FAM171B: variants seen among roughly 807,000 people sequenced by gnomAD.
FAM171B encodes protein FAM171B.
FAM171B carries 19 observed loss-of-function variants against 75.6 expected under a neutral mutation model. That is an observed-to-expected ratio of 0.25 (90% CI 0.18 to 0.37). The LOEUF is 0.37. Among genes scored for constraint, FAM171B ranks in the 10% least tolerant of loss-of-function variants. The pLI is 1.00. For synonymous variants in FAM171B, 367 were observed against 361.7 expected, an observed-to-expected ratio of 1.01 and a Z score of -0.17; for missense variants, 848 against 982.4, an observed-to-expected ratio of 0.86 and a Z score of 1.83.
chr2:186,703,293 G>A (rs1285537241), intron 1 of FAM171B, among the ~76,000 whole-genome samples: 2 of 152,076 alleles, frequency 1.3e-5, no homozygotes, highest in East Asian at 1.9e-4. Flanking sequence ...GATGTAGAAC[G>A]TTTACTTGGC....
chr2:186,737,678 AT>A (rs1396228263), intron 1 of FAM171B, among the ~76,000 whole-genome samples: 4 of 152,140 alleles, frequency 2.6e-5, no homozygotes, highest in Non-Finnish European at 4.4e-5. Flanking sequence ...AGGCTTTTTG[AT>A]ATTTTAGAGA....
Position 186,765,528 on chromosome 2 carries a change from A to G in FAM171B, c.*2705A>G, listed in dbSNP as rs1464835719. The G allele has an allele frequency of 2.0e-5, 3 of 152,060 alleles. No homozygotes were observed. The highest frequency in any genetic ancestry group is 4.8e-5 in the African/African-American group (2 of 41,436). The allele number at this position is 152,060 out of a possible 1,614,324, so 9.4% of individuals were successfully genotyped here. A position where few individuals can be genotyped will look rare whatever the true frequency, so the allele number is the denominator to read the frequency against. On this transcript the variant is annotated 3_prime_UTR_variant, in exon 8 of 8. Transcript: ENST00000304698. ...TACATAATATACCACAGAGATTACAAATGTTGAGGAATGAAAGCACTTCTT... is the reference window on the plus strand; with the variant it reads ...TACATAATATACCACAGAGATTACAGATGTTGAGGAATGAAAGCACTTCTT...
At chr2:186,761,302 A>G (rs1222502660) in intron 7 of FAM171B, 66 bp downstream of exon 7, 19 of 1,544,946 alleles carry the variant, frequency 1.2e-5, no homozygotes, top group Non-Finnish European at 1.6e-5. Flanking sequence ...TATTCTGTAC[A>G]TTGAAAAGTT....
intron 1 of FAM171B, among the ~76,000 whole-genome samples, chr2:186,717,839 G>A (rs1689895575): frequency 6.6e-6 from 1 of 152,074 alleles, no homozygotes; most frequent in South Asian, 2.1e-4. Context: ...CTTTCTTCAT[G>A]CTTAGTTGTA....
chr2:186,712,767 C>G (rs899323002), intron 1 of FAM171B, among the ~76,000 whole-genome samples: 1 of 152,168 alleles, frequency 6.6e-6, no homozygotes, highest in Non-Finnish European at 1.5e-5. Context: ...CTTCTCACTC[C>G]TGCTCACATT....
rs117970607 is a variant in FAM171B, at chr2:186,711,566, C to T, written c.238+17155C>T. Among the ~76,000 whole-genome samples, 7 of 152,300 alleles carry T rather than the reference C, an allele frequency of 4.6e-5. No individual in the cohort carries two copies. The East Asian group carries it at 1.3e-3, about 29-fold the overall frequency. On this transcript the variant is annotated intron_variant, in intron 1 of 7. Coordinates refer to ENST00000304698, the MANE Select transcript of FAM171B (RefSeq NM_177454.4). ...CAGAAATGGAGTTCCTGGTTCCAGT[C>T]ATTCCCAAGATCTGGATGGATAGTT... is the stretch of plus-strand genomic sequence containing the variant.
intron 1 of FAM171B, 50 bp from the exon 2 acceptor site, chr2:186,740,178 T>C (rs1227629707): frequency 1.5e-6 from 2 of 1,309,200 alleles, no homozygotes; most frequent in African/African-American, 2.9e-5. Context: ...GACTATGACA[T>C]ATGCATTCTA....
intron 4 of FAM171B, 39 bp downstream of exon 4, chr2:186,747,289 A>G (rs1690378786): frequency 7.3e-7 from 1 of 1,366,946 alleles, no homozygotes; most frequent in Non-Finnish European, 9.8e-7. Flanking sequence ...TATAAGAAAC[A>G]TTAGTACACA....
chr2:186,694,167 C>G lies in FAM171B; in HGVS notation c.-7C>G. ...AATATGCCGCCGCGGCCCTCTGGCT[C>G]TAGGCCATGGCGAGGCTCTGCCGGC... On this transcript the variant is annotated 5_prime_UTR_variant, in exon 1 of 8. Coordinates refer to ENST00000304698, the MANE Select transcript of FAM171B (RefSeq NM_177454.4). 2 of 1,590,034 alleles carry G rather than the reference C, an allele frequency of 1.3e-6. No homozygotes were observed. Among genetic ancestry groups the G allele is most frequent in the Non-Finnish European group, 1.7e-6 (2 of 1,174,136 alleles).
intron 1 of FAM171B, among the ~76,000 whole-genome samples, chr2:186,737,458 T>C (rs1037386042): frequency 6.6e-6 from 1 of 152,156 alleles, no homozygotes; most frequent in Non-Finnish European, 1.5e-5. Flanking sequence ...CTGGGCTAAA[T>C]CATCCTTCCT....
At chr2:186,751,524 C>T (rs529730281) in intron 5 of FAM171B, among the ~76,000 whole-genome samples, 1 of 152,116 alleles carries the variant, frequency 6.6e-6, no homozygotes, top group South Asian at 2.1e-4. Context: ...TTATTCATTC[C>T]CTTACCTTTT....
rs1251140954 is a variant in FAM171B, at chr2:186,740,220, C to T, written c.239-8C>T. 11 of 1,604,756 alleles carry T rather than the reference C, an allele frequency of 6.9e-6. No homozygotes were observed. The highest frequency in any genetic ancestry group is 8.5e-6 in the Non-Finnish European group (10 of 1,172,412). On this transcript the variant is annotated splice_region_variant and splice_polypyrimidine_tract_variant and intron_variant, in intron 1 of 7. Transcript: ENST00000304698. Reference sequence around the variant, plus strand: ...GACATGCTGCAATTTCTACCTTTTTCTCTCCAGTGTCTGTATTTATGTTGA... The same window carrying T: ...GACATGCTGCAATTTCTACCTTTTTTTCTCCAGTGTCTGTATTTATGTTGA...
intron 1 of FAM171B, among the ~76,000 whole-genome samples, chr2:186,715,941 C>A (rs1442010669): frequency 6.6e-6 from 1 of 152,152 alleles, no homozygotes; most frequent in African/African-American, 2.4e-5. Context: ...AATGGGTACC[C>A]ATGTGCTCAC....
intron 1 of FAM171B, among the ~76,000 whole-genome samples, chr2:186,737,964 G>A (rs904767690): frequency 7.9e-5 from 12 of 152,188 alleles, no homozygotes; most frequent in African/African-American, 2.7e-4. Flanking sequence ...TCCCACACCC[G>A]CTGTGGCTCC....
intron 1 of FAM171B, 61 bp downstream of exon 1, chr2:186,694,472 C>CCT (rs1285210813): frequency 7.8e-6 from 12 of 1,537,120 alleles, no homozygotes; most frequent in Non-Finnish European, 1.1e-5. Flanking sequence ...TAGGGCCTCG[C>CCT]CGGCTTCCTC....
chr2:186,704,122 C>T (rs1689702776), intron 1 of FAM171B, among the ~76,000 whole-genome samples: 1 of 152,006 alleles, frequency 6.6e-6, no homozygotes, highest in African/African-American at 2.4e-5. Flanking sequence ...ATAAGTACTT[C>T]CTGAAGTATA....
chr2:186,761,025 T>G, intron 6 of FAM171B, 88 bp from the exon 7 acceptor site: 1 of 1,367,548 alleles, frequency 7.3e-7, no homozygotes, highest in Non-Finnish European at 1.0e-6. Flanking sequence ...GTATGTACAC[T>G]TATTCAATTT....
intron 1 of FAM171B, among the ~76,000 whole-genome samples, chr2:186,704,091 CAAAT>C (rs1689702574): frequency 6.6e-6 from 1 of 152,218 alleles, no homozygotes; most frequent in African/African-American, 2.4e-5. Context: ...TATTTAAAGA[CAAAT>C]AACTTCTCTT....
chr2:186,700,618 A>C (rs962362767), intron 1 of FAM171B, among the ~76,000 whole-genome samples: 1 of 152,116 alleles, frequency 6.6e-6, no homozygotes, highest in African/African-American at 2.4e-5. Context: ...ATTACCACAG[A>C]TCAGTTTATT....
Sources: gnomAD v4.1 joint callset for allele counts (sites outside exome capture counted in the v4.1 genomes callset) on GRCh38, gnomAD v4.1.1 for gene constraint, MANE v1.5 for transcripts, NCBI Gene and HGNC (gene_info 2026-07-23, HGNC 2026-07-21) for gene names.